AXDND1: variants seen among roughly 807,000 people sequenced by gnomAD.
AXDND1 encodes the protein axonemal dynein light chain domain containing 1, also known as axonemal dynein light chain domain-containing protein 1.
Under a neutral mutation model 137.5 loss-of-function variants are expected in AXDND1, and 110 were observed. That is an observed-to-expected ratio of 0.80 (90% CI 0.69 to 0.94). The LOEUF is 0.94. AXDND1 is among the 40% of genes least tolerant of loss of function. The pLI is 0.00. For synonymous variants in AXDND1, 414 were observed against 399.7 expected (o/e 1.04, Z -0.43); for missense variants, 1,191 against 1,169.8 (o/e 1.02, Z -0.26).
chr1:179,368,747 T>A (rs560976220), intron 2 of AXDND1, 53 bp from the exon 3 acceptor site: 1 of 1,448,224 alleles, frequency 6.9e-7, no homozygotes, highest in African/African-American at 1.4e-5. Flanking sequence ...AGAAGCTCCA[T>A]CTAACTTAAA....
intron 17 of AXDND1, among the ~76,000 whole-genome samples, chr1:179,482,600 T>C (rs1329598242): frequency 1.3e-5 from 2 of 152,124 alleles, no homozygotes; most frequent in East Asian, 1.9e-4. Context: ...TCAAATACCA[T>C]AGATTATTGC....
At chr1:179,373,779 G>GCC (rs1422085020) in intron 4 of AXDND1, among the ~76,000 whole-genome samples, 4 of 152,148 alleles carry the variant, frequency 2.6e-5, no homozygotes, top group Admixed American at 6.5e-5. Context: ...GCCATATGTA[G>GCC]AAAGCTGAAA....
intron 12 of AXDND1, among the ~76,000 whole-genome samples, chr1:179,420,338 G>T (rs1220283104): frequency 6.6e-6 from 1 of 152,042 alleles, no homozygotes; most frequent in Non-Finnish European, 1.5e-5. Context: ...TGTTGAATTT[G>T]GTTTGCTTAT....
chr1:179,382,582 A>C lies in AXDND1; in HGVS notation c.582-118A>C. 7.5e-6 allele frequency: 5 copies of C among 664,090 alleles called. No individual in the cohort carries two copies. In the South Asian group the frequency reaches 8.3e-5, roughly 11 times the overall value. The allele number at this position is 664,090 out of a possible 1,614,324, so 41.1% of individuals were successfully genotyped here. A position where few individuals can be genotyped will look rare whatever the true frequency, so the allele number is the denominator to read the frequency against. ...TGAGTCACTTCTCCAAGCAGTACTC[A>C]TTCCTTTTAGTGGAGAATGGTACTT... is the stretch of plus-strand genomic sequence containing the variant. On this transcript the variant is annotated intron_variant, in intron 6 of 25. Transcript: ENST00000367618.
At chr1:179,530,272 G>A (rs571095671) in intron 23 of AXDND1, among the ~76,000 whole-genome samples, 1 of 152,170 alleles carries the variant, frequency 6.6e-6, no homozygotes, top group East Asian at 1.9e-4. Context: ...CTCATGATCC[G>A]CCTGCTTCGG....
chr1:179,416,390 C>G (rs1654711927), intron 12 of AXDND1, among the ~76,000 whole-genome samples: 1 of 152,072 alleles, frequency 6.6e-6, no homozygotes, highest in African/African-American at 2.4e-5. Flanking sequence ...GTGCTGGTAT[C>G]TTTTGATATA....
In AXDND1 at chr1:179,457,030, T is replaced by C. The variant is rs1368184161; in HGVS notation, c.1799-11413T>C. 3 of 1,526,448 alleles carry C rather than the reference T, an allele frequency of 2.0e-6. No individual in the cohort carries two copies. The African/African-American group carries it at 4.1e-5, about 21-fold the overall frequency. 94.6% of individuals were successfully genotyped at this position (1,526,448 alleles called of 1,614,324 possible). On this transcript the variant is annotated intron_variant, in intron 16 of 25. Transcript: ENST00000367618. ...CACCAACAAATATCTTTTTCACAGTTAAGTGGGCACCTGGTCTTTGAGAAT... is the reference window on the plus strand; with the variant it reads ...CACCAACAAATATCTTTTTCACAGTCAAGTGGGCACCTGGTCTTTGAGAAT...
intron 16 of AXDND1, among the ~76,000 whole-genome samples, chr1:179,467,904 C>T (rs1663420332): frequency 6.6e-6 from 1 of 151,994 alleles, no homozygotes; most frequent in Non-Finnish European, 1.5e-5. Context: ...GGGTATTTTG[C>T]CATAATCTCA....
chr1:179,547,002 C>G (rs774980779), intron 25 of AXDND1, among the ~76,000 whole-genome samples: 1 of 152,170 alleles, frequency 6.6e-6, no homozygotes, highest in Non-Finnish European at 1.5e-5. Flanking sequence ...AGGTCAATGA[C>G]CCAGATACTA....
chr1:179,439,364 G>A (rs1251578517), intron 15 of AXDND1, among the ~76,000 whole-genome samples: 2 of 152,134 alleles, frequency 1.3e-5, no homozygotes, highest in Admixed American at 6.5e-5. Context: ...ATGGCTGAGC[G>A]ATGTCTGTGT....
intron 11 of AXDND1, among the ~76,000 whole-genome samples, chr1:179,405,710 T>G (rs1478383660): frequency 6.6e-6 from 1 of 151,558 alleles, no homozygotes; most frequent in Non-Finnish European, 1.5e-5. Context: ...TTATATCTCT[T>G]TTTGTTTGTT....
intron 17 of AXDND1, among the ~76,000 whole-genome samples, chr1:179,471,785 G>A (rs895562929): frequency 1.5e-5 from 2 of 130,854 alleles, no homozygotes; most frequent in African/African-American, 3.3e-5. Flanking sequence ...ATAGTCTTAA[G>A]TTGAGCTGTT....
chr1:179,433,461 G>T (rs1323004694), intron 15 of AXDND1, among the ~76,000 whole-genome samples: 1 of 152,146 alleles, frequency 6.6e-6, no homozygotes. Context: ...ATGTTAGGGT[G>T]TTGATTTGAG....
intron 21 of AXDND1, among the ~76,000 whole-genome samples, chr1:179,511,549 A>G (rs1415202987): frequency 1.3e-5 from 2 of 152,052 alleles, no homozygotes; most frequent in Non-Finnish European, 2.9e-5. Context: ...TTTTCCTATA[A>G]TGACTTCTTT....
chr1:179,476,977 A>G (rs1349379665), intron 17 of AXDND1, among the ~76,000 whole-genome samples: 1 of 151,906 alleles, frequency 6.6e-6, no homozygotes, highest in Non-Finnish European at 1.5e-5. Flanking sequence ...TACTCCCTTT[A>G]TATGTAAGGG....
intron 11 of AXDND1, among the ~76,000 whole-genome samples, chr1:179,404,725 G>T (rs963410123): frequency 2.0e-5 from 3 of 152,118 alleles, no homozygotes; most frequent in Middle Eastern, 6.8e-3. Context: ...CTTTTTTGTT[G>T]TTGTGTCTTT....
intron 12 of AXDND1, among the ~76,000 whole-genome samples, chr1:179,424,751 T>C (rs1282775919): frequency 6.6e-6 from 1 of 152,088 alleles, no homozygotes; most frequent in Non-Finnish European, 1.5e-5. Context: ...CTTTCTATCC[T>C]TTTTTCTCCT....
chr1:179,439,936 C>T (rs1348666209), intron 15 of AXDND1, among the ~76,000 whole-genome samples: 1 of 152,224 alleles, frequency 6.6e-6, no homozygotes, highest in Non-Finnish European at 1.5e-5. Flanking sequence ...TCAGTAAATC[C>T]ACTGGACCTT....
intron 22 of AXDND1, 55 bp downstream of exon 22, chr1:179,525,502 TAC>T: frequency 2.7e-6 from 4 of 1,496,708 alleles, no homozygotes; most frequent in South Asian, 1.2e-5. Context: ...CATACATACA[TAC>T]ATATATTTTA....
Sources: gnomAD v4.1 joint callset for allele counts (sites outside exome capture counted in the v4.1 genomes callset) on GRCh38, gnomAD v4.1.1 for gene constraint, MANE v1.5 for transcripts, NCBI Gene and HGNC (gene_info 2026-07-23, HGNC 2026-07-21) for gene names.